The following ZCCHC10 variants were observed in gnomAD, a reference collection of about 807,000 sequenced individuals.
ZCCHC10 encodes zinc finger CCHC-type containing 10, also known as zinc finger CCHC domain-containing protein 10.
Under a neutral mutation model 19.5 loss-of-function variants are expected in ZCCHC10, and 16 were observed. That is an observed-to-expected ratio of 0.82 (90% CI 0.56 to 1.25). The LOEUF is 1.25. Ranked by LOEUF, ZCCHC10 falls within the 50% of genes most tolerant of loss-of-function variation. ZCCHC10 has a pLI of 0.00. For missense variants in ZCCHC10, 197 were observed against 201.0 expected, an observed-to-expected ratio of 0.98 and a Z score of 0.12; for synonymous variants, 67 against 72.5, an observed-to-expected ratio of 0.92 and a Z score of 0.38.
At chr5:132,998,950 C>T in intron 4 of ZCCHC10, 100 bp from the exon 5 acceptor site, 1 of 1,489,252 alleles carries the variant, frequency 6.7e-7, no homozygotes, top group Non-Finnish European at 9.0e-7. Context: ...GAGTCTTGCT[C>T]TGTTGCCCAG....
chr5:133,003,708 G>GTA (rs139881312), intron 3 of ZCCHC10, among the ~76,000 whole-genome samples: 76 of 151,552 alleles, frequency 5.0e-4, no homozygotes, highest in African/African-American at 1.2e-3. Flanking sequence ...TTGGTAATGT[G>GTA]TATATATATA....
In ZCCHC10 at chr5:132,997,806, C is replaced by T. The variant is rs1360855718; in HGVS notation, c.*777G>A. ...TGCATGTTAATACACAAAGATATTT[C>T]TAGCACTTCTATTTAAGTTAGCCTC... On this transcript the variant is annotated 3_prime_UTR_variant, in exon 5 of 5. Transcript: ENST00000509437. 2.0e-5 allele frequency: 3 copies of T among 152,130 alleles called. No homozygotes were observed. The highest frequency in any genetic ancestry group is 2.0e-4 in the Admixed American group (3 of 15,250). 9.4% of individuals were successfully genotyped at this position (152,130 alleles called of 1,614,324 possible).
intron 3 of ZCCHC10, among the ~76,000 whole-genome samples, chr5:133,003,516 T>C (rs1762906582): frequency 6.6e-6 from 1 of 152,050 alleles, no homozygotes; most frequent in African/African-American, 2.4e-5. Context: ...AATAAATAAC[T>C]GAAAGTTGAA....
rs1276835212 is a variant in ZCCHC10, at chr5:133,023,244, A to C, written c.42-338T>G. Among the ~76,000 whole-genome samples the C allele has an allele frequency of 2.0e-5, 3 of 152,252 alleles. No individual in the cohort carries two copies. In the East Asian group the frequency reaches 5.8e-4, roughly 29 times the overall value. Reference sequence around the variant, plus strand: ...AGAAGGAGTAGTGGAATCTCATATAAGGTTTAATAGAAGAAATGACCCCAA... The same window carrying C: ...AGAAGGAGTAGTGGAATCTCATATACGGTTTAATAGAAGAAATGACCCCAA... On this transcript the variant is annotated intron_variant, in intron 1 of 4. Coordinates refer to ENST00000509437, the MANE Select transcript of ZCCHC10 (RefSeq NM_001300816.3).
At chr5:133,025,180 T>C (rs888355721) in intron 1 of ZCCHC10, among the ~76,000 whole-genome samples, 10 of 152,124 alleles carry the variant, frequency 6.6e-5, no homozygotes, top group South Asian at 2.1e-4. Context: ...GATGTCTGGA[T>C]GTGCAAAGGC....
At chr5:133,005,449 C>A (rs1349626003) in intron 3 of ZCCHC10, among the ~76,000 whole-genome samples, 1 of 152,024 alleles carries the variant, frequency 6.6e-6, no homozygotes. Context: ...CCCATCTCTA[C>A]CAAAAATACA....
chr5:133,010,683 C>A (rs967015718), intron 2 of ZCCHC10, among the ~76,000 whole-genome samples: 4 of 152,120 alleles, frequency 2.6e-5, no homozygotes, highest in African/African-American at 9.7e-5. Context: ...GTTGCCCAGG[C>A]TAGTTTCAAA....
intron 2 of ZCCHC10, among the ~76,000 whole-genome samples, chr5:133,008,146 A>G (rs1245527146): frequency 6.7e-6 from 1 of 150,360 alleles, no homozygotes; most frequent in South Asian, 2.1e-4. Context: ...AATGGTGTGA[A>G]CCTGGGAGGC....
At chr5:133,021,744 T>A (rs1764325713) in intron 2 of ZCCHC10, among the ~76,000 whole-genome samples, 1 of 152,142 alleles carries the variant, frequency 6.6e-6, no homozygotes, top group Admixed American at 6.6e-5. Context: ...AATTTATAAT[T>A]TTTTTAAATT....
chr5:133,012,967 C>T (rs1490229987), intron 2 of ZCCHC10, among the ~76,000 whole-genome samples: 3 of 150,974 alleles, frequency 2.0e-5, no homozygotes, highest in South Asian at 2.1e-4. Flanking sequence ...AGGAGAATGG[C>T]GTGAACCTGG....
At position 133,025,710 on chromosome 5, in the gene ZCCHC10, TC is replaced by T. The variant is rs1181909265; in HGVS notation, c.41+786del. ...TTTCTCAAAATCCTCGTATGACTGT[TC>T]CTTTTTCATCCTTTAAATCTCTGTT... On this transcript the variant is annotated intron_variant, in intron 1 of 4. Transcript: ENST00000509437. Among the ~76,000 whole-genome samples, 3 of 152,214 alleles carry T rather than the reference TC, an allele frequency of 2.0e-5. No individual in the cohort carries two copies. In the East Asian group the frequency reaches 5.8e-4, roughly 29 times the overall value.
At chr5:133,020,506 TCA>T (rs1307243870) in intron 2 of ZCCHC10, among the ~76,000 whole-genome samples, 1 of 151,274 alleles carries the variant, frequency 6.6e-6, no homozygotes, top group African/African-American at 2.4e-5. Context: ...AGCTGTAGTC[TCA>T]GTTACTCAGG....
At chr5:133,010,047 C>A (rs1253582112) in intron 2 of ZCCHC10, among the ~76,000 whole-genome samples, 2 of 125,558 alleles carry the variant, frequency 1.6e-5, no homozygotes, top group African/African-American at 3.4e-5. Flanking sequence ...TTTGGGTCAG[C>A]AATTTTTTTT....
At chr5:133,011,639 A>AC (rs946976781) in intron 2 of ZCCHC10, among the ~76,000 whole-genome samples, 13 of 151,278 alleles carry the variant, frequency 8.6e-5, no homozygotes, top group African/African-American at 3.1e-4. Flanking sequence ...AAAAAAAAAA[A>AC]AAAAAAAAAC....
intron 1 of ZCCHC10, 27 bp downstream of exon 1, chr5:133,026,470 G>A (rs1330008930): frequency 6.2e-7 from 1 of 1,612,620 alleles, no homozygotes; most frequent in Non-Finnish European, 8.5e-7. Flanking sequence ...CAGCCCTCCA[G>A]TGGACCCGAA....
At chr5:133,021,191 G>A (rs1581431479) in intron 2 of ZCCHC10, among the ~76,000 whole-genome samples, 1 of 151,458 alleles carries the variant, frequency 6.6e-6, no homozygotes, top group Non-Finnish European at 1.5e-5. Context: ...CACCGCGCAC[G>A]GCCTAATTTT....
Position 132,998,623 on chromosome 5 carries a change from C to G in ZCCHC10, c.539G>C (p.Ser180Thr), listed in dbSNP as rs563221255. The G allele has an allele frequency of 1.9e-5, 30 of 1,614,078 alleles. No homozygotes were observed. In the African/African-American group the frequency reaches 1.9e-4, roughly 10 times the overall value. ...CTTCTTTGGTGGTTCATCGTCAGAG[C>G]TGCTATCTGTGCTGGTGCTACTGCT... ...SSSSSTSTDS[S>T]SDDEPPKKKK... Residue 180 changes from serine (S) to threonine (T), a missense_variant, in exon 5 of 5, where the codon AGC becomes ACC. By Grantham distance (58) the Ser-to-Thr change is moderately conservative. Transcript: ENST00000509437.
At chr5:133,022,154 C>T (rs1390767779) in intron 2 of ZCCHC10, among the ~76,000 whole-genome samples, 3 of 152,154 alleles carry the variant, frequency 2.0e-5, no homozygotes, top group Admixed American at 1.3e-4. Context: ...ACCATTAACA[C>T]ACAAACACAT....
chr5:133,013,991 ACT>A (rs1014347406), intron 2 of ZCCHC10, among the ~76,000 whole-genome samples: 4 of 152,128 alleles, frequency 2.6e-5, no homozygotes, highest in South Asian at 4.1e-4. Flanking sequence ...AAAAGTTCTA[ACT>A]CTGTTTCAAA....
Sources: allele counts gnomAD v4.1 joint callset (sites outside exome capture counted in the v4.1 genomes callset), GRCh38; gene constraint gnomAD v4.1.1; transcripts MANE v1.5; gene names NCBI Gene and HGNC (gene_info 2026-07-23, HGNC 2026-07-21).